The following OPHN1 variants were observed in gnomAD, a reference collection of about 807,000 sequenced individuals.
OPHN1 encodes oligophrenin-1.
Under a neutral mutation model 60.7 loss-of-function variants are expected in OPHN1, and 11 were observed. That is an observed-to-expected ratio of 0.18 (90% CI 0.11 to 0.30). OPHN1 has a LOEUF of 0.30. OPHN1 is among the 10% of genes least tolerant of loss of function. OPHN1 has a pLI of 1.00. For synonymous variants in OPHN1, 226 were observed against 222.6 expected, an observed-to-expected ratio of 1.02 and a Z score of -0.14; for missense variants, 449 against 611.0, an observed-to-expected ratio of 0.73 and a Z score of 2.80.
rs1241873839 is a variant in OPHN1 at position 68,115,541 on chromosome X, T to C, written c.1362-2302A>G. 4.5e-5 allele frequency among the ~76,000 whole-genome samples: 5 copies of C among 112,246 alleles called. No individual in the cohort carries two copies. In the East Asian group the frequency reaches 1.4e-3, roughly 31 times the overall value. ...AACAGAAGAAAGTATCAAAGAAGGC[T>C]TGTTAACAACTTCAAATGTTACAAA... On this transcript the variant is annotated intron_variant, in intron 16 of 24. Transcript: ENST00000355520.
At chrX:68,067,381 G>T (rs1250011396) in intron 20 of OPHN1, among the ~76,000 whole-genome samples, 1 of 110,719 alleles carries the variant, frequency 9.0e-6, no homozygotes, top group Non-Finnish European at 1.9e-5. Flanking sequence ...AGCTGGAGGT[G>T]AGGTTGTTGC....
At position 68,219,620 on chromosome X, in the gene OPHN1, C is replaced by T. The variant is rs1182362823; in HGVS notation, c.487-5648G>A. ...GCAATCAAACTAGAACTCAGGATTA[C>T]GAATCTCACTCAAAACCACTCAACT... On this transcript the variant is annotated intron_variant, in intron 6 of 24. Coordinates refer to ENST00000355520, the MANE Select transcript of OPHN1 (RefSeq NM_002547.3). Among the ~76,000 whole-genome samples the T allele has an allele frequency of 1.7e-3, 185 of 110,900 alleles. 2 individuals carry two copies. Among genetic ancestry groups the T allele is most frequent in the African/African-American group, 5.7e-3 (173 of 30,535 alleles).
chrX:68,094,936 C>T (rs1296874346), intron 19 of OPHN1, among the ~76,000 whole-genome samples: 1 of 111,040 alleles, frequency 9.0e-6, no homozygotes, highest in Non-Finnish European at 1.9e-5. Flanking sequence ...TTCCTCTACT[C>T]CCTATCGATC....
intron 2 of OPHN1, among the ~76,000 whole-genome samples, chrX:68,415,665 G>A (rs758871626): frequency 1.8e-5 from 2 of 111,743 alleles, no homozygotes; most frequent in South Asian, 3.7e-4. Flanking sequence ...CTCTGCCAAC[G>A]GAGCTTCAGA....
At chrX:68,349,869 T>C (rs1360348784) in intron 2 of OPHN1, among the ~76,000 whole-genome samples, 1 of 102,728 alleles carries the variant, frequency 9.7e-6, no homozygotes, top group Non-Finnish European at 2.0e-5. Context: ...TGAGAACACA[T>C]GGACACAAGG....
intron 15 of OPHN1, among the ~76,000 whole-genome samples, chrX:68,176,973 C>CATATATAT (rs59326514): frequency 0.11 from 10,688 of 98,916 alleles, 704 homozygotes; most frequent in Middle Eastern, 0.21. Context: ...TTTATATATA[C>CATATATAT]ATATATATAT....
chrX:68,199,013 C>T lies in OPHN1; in HGVS notation c.1026-1749G>A, dbSNP rs3788857. On this transcript the variant is annotated intron_variant, in intron 11 of 24. Transcript: ENST00000355520. ...CAAACCAAAATTCAAATAACATCAC[C>T]TCCCTCATGTGACTGTGGTGACGAC... Among the ~76,000 whole-genome samples the T allele has an allele frequency of 2.7e-5, 3 of 112,199 alleles. No individual in the cohort carries two copies. The East Asian group carries it at 8.4e-4, about 31-fold the overall frequency.
chrX:68,396,675 C>A (rs2078686418), intron 2 of OPHN1, among the ~76,000 whole-genome samples: 1 of 109,678 alleles, frequency 9.1e-6, no homozygotes. Flanking sequence ...ATTAGCCGGG[C>A]ATGGTGGTAC....
intron 4 of OPHN1, among the ~76,000 whole-genome samples, chrX:68,282,696 A>G (rs1248884457): frequency 8.9e-6 from 1 of 111,934 alleles, no homozygotes; most frequent in Non-Finnish European, 1.9e-5. Flanking sequence ...GATTTTCTCT[A>G]TAAAAGTAAA....
intron 15 of OPHN1, among the ~76,000 whole-genome samples, chrX:68,126,436 T>G (rs140202262): frequency 9.0e-6 from 1 of 110,626 alleles, no homozygotes; most frequent in East Asian, 2.8e-4. Context: ...TCCAGATTTA[T>G]AGTCTGCAAT....
intron 2 of OPHN1, among the ~76,000 whole-genome samples, chrX:68,342,795 G>A (rs1311477361): frequency 9.1e-6 from 1 of 110,331 alleles, no homozygotes. Flanking sequence ...TAAAAAATTA[G>A]CCAGGTGCAG....
intron 16 of OPHN1, among the ~76,000 whole-genome samples, chrX:68,113,911 A>G (rs188574028): frequency 0.015 from 1,610 of 105,340 alleles, 12 homozygotes; most frequent in Non-Finnish European, 0.025. Context: ...ACAAGTATAC[A>G]TATGTAACTA....
chrX:68,093,431 T>C (rs1171538730), intron 19 of OPHN1, among the ~76,000 whole-genome samples: 6 of 111,663 alleles, frequency 5.4e-5, no homozygotes, highest in African/African-American at 3.3e-5. Flanking sequence ...TTCTTTGGGA[T>C]AAATGCCCAG....
At position 68,113,235 on chromosome X, in the gene OPHN1, G is replaced by T. The variant is rs2077112468; in HGVS notation, c.1366C>A (p.Leu456Ile). The T allele has an allele frequency of 1.7e-6, 2 of 1,203,720 alleles. No individual in the cohort carries two copies. Among genetic ancestry groups the T allele is most frequent in the East Asian group, 5.9e-5 (2 of 33,718 alleles). ...CTATAGGTCATGACAGGTTCAGAAAGATTCCTGAAATGAATGAAAATTGTC... is the reference window on the plus strand; with the variant it reads ...CTATAGGTCATGACAGGTTCAGAAATATTCCTGAAATGAATGAAAATTGTC... ...TSSLKFYLRN[L>I]SEPVMTYRLH... The change falls in exon 17 of 25, where the codon CTT becomes ATT. Residue 456 changes from leucine to isoleucine, a missense_variant. Around this residue, in one of 4 missense-constraint regions of OPHN1, gnomAD observed 166 missense variants for 278.4 expected, o/e 0.60. Coordinates refer to ENST00000355520, the MANE Select transcript of OPHN1 (RefSeq NM_002547.3).
chrX:68,428,572 C>T (rs1462352220), intron 2 of OPHN1, among the ~76,000 whole-genome samples: 1 of 112,303 alleles, frequency 8.9e-6, no homozygotes, highest in Non-Finnish European at 1.9e-5. Context: ...GTATGCCTGA[C>T]AGCTCCAAGA....
chrX:68,277,019 GC>G (rs976450009), intron 4 of OPHN1, among the ~76,000 whole-genome samples: 5 of 111,327 alleles, frequency 4.5e-5, no homozygotes, highest in African/African-American at 1.6e-4. Flanking sequence ...CAGAAGAATC[GC>G]CCAGCTGACC....
At chrX:68,257,037 A>G (rs994726278) in intron 5 of OPHN1, among the ~76,000 whole-genome samples, 1 of 110,422 alleles carries the variant, frequency 9.1e-6, no homozygotes, top group Non-Finnish European at 1.9e-5. Context: ...ATCTCAAAAA[A>G]AATTAAAAAA....
intron 15 of OPHN1, among the ~76,000 whole-genome samples, chrX:68,137,767 A>G (rs746276356): frequency 9.0e-6 from 1 of 111,684 alleles, no homozygotes; most frequent in African/African-American, 3.3e-5. Context: ...TAGAAGTTAT[A>G]TTGACTTATT....
chrX:68,181,159 T>C (rs2077434785), intron 15 of OPHN1, among the ~76,000 whole-genome samples: 1 of 111,237 alleles, frequency 9.0e-6, no homozygotes, highest in Admixed American at 9.6e-5. Context: ...CCTTCCTTAG[T>C]GCTGTAAGTA....
Sources: gnomAD v4.1 joint callset for allele counts (sites outside exome capture counted in the v4.1 genomes callset) on GRCh38, gnomAD v4.1.1 for gene constraint, gnomAD v4.1.1 regional missense constraint, MANE v1.5 for transcripts, NCBI Gene and HGNC (gene_info 2026-07-23, HGNC 2026-07-21) for gene names.